Variants in LCP2 observed in about 807,000 individuals in gnomAD.
LCP2 encodes the protein 76 kDa tyrosine phosphoprotein.
A neutral mutation model predicts 74.5 loss-of-function variants in LCP2; 29 were observed. The observed-to-expected ratio is 0.39, with a 90% CI of 0.29 to 0.53. The LOEUF is 0.53. LCP2 is among the 20% of genes least tolerant of loss of function. The pLI is 0.72. For missense variants in LCP2, 604 were observed against 634.6 expected (o/e 0.95, Z 0.52); for synonymous variants, 228 against 229.5 (o/e 0.99, Z 0.06).
intron 3 of LCP2, among the ~76,000 whole-genome samples, chr5:170,278,869 G>T (rs1428540418): frequency 6.6e-6 from 1 of 152,180 alleles, no homozygotes; most frequent in East Asian, 1.9e-4. Context: ...GCAGCAAAGT[G>T]TGGGCTCCCA....
chr5:170,267,156 T>C, intron 8 of LCP2, 81 bp from the exon 9 acceptor site: 1 of 1,336,366 alleles, frequency 7.5e-7, no homozygotes, highest in African/African-American at 1.4e-5. Context: ...CTGGATCTGC[T>C]CACTTTTCCT....
chr5:170,280,261 T>G (rs766060920), intron 3 of LCP2, among the ~76,000 whole-genome samples: 2 of 151,958 alleles, frequency 1.3e-5, no homozygotes, highest in Non-Finnish European at 2.9e-5. Flanking sequence ...TCCCGGCTCC[T>G]GGGTAGGGCA....
Position 170,258,153 on chromosome 5 carries a change from A to G in LCP2, c.984T>C (p.Pro328=). The G allele has an allele frequency of 6.2e-7, 1 of 1,613,926 alleles. No homozygotes were observed. Among genetic ancestry groups the G allele is most frequent in the Non-Finnish European group, 8.5e-7 (1 of 1,179,822 alleles). The change falls in exon 16 of 21, where the codon CCT becomes CCC. Residue 328 remains proline (P), a synonymous_variant. Coordinates refer to ENST00000046794, the MANE Select transcript of LCP2 (RefSeq NM_005565.5). ...TAGGAAGTAGTGCTGGCTGGGGCAA[A>G]GGTCTCTGATGCACTGTGCAGAAGT... ...ENDEDDVHQR[P]LPQPALLPMS...
Position 170,297,698 on chromosome 5 carries a change from T to C in LCP2, c.-87A>G. The stretch of plus-strand genomic sequence containing the variant: ...AGCTCAAATCCAGAGCTCGGAGGCG[T>C]TCTTGGCTCTTCCAACTCCCAGCTA... On this transcript the variant is annotated 5_prime_UTR_variant, in exon 1 of 21. Transcript: ENST00000046794. 2 of 1,121,736 alleles carry C rather than the reference T, an allele frequency of 1.8e-6. No homozygotes were observed. The highest frequency in any genetic ancestry group is 1.5e-5 in the South Asian group (1 of 66,556). The allele number at this position is 1,121,736 out of a possible 1,614,324, so 69.5% of individuals were successfully genotyped here.
intron 19 of LCP2, 135 bp from the exon 20 acceptor site, chr5:170,251,020 T>TGTCA: frequency 1.6e-6 from 1 of 634,508 alleles, no homozygotes. Context: ...GTGCAAAACC[T>TGTCA]GTCATTCAAC....
rs1011288228 is a variant in LCP2, at chr5:170,258,231, A to G, written c.971-65T>C. On this transcript the variant is annotated intron_variant, in intron 15 of 20. Coordinates refer to ENST00000046794, the MANE Select transcript of LCP2 (RefSeq NM_005565.5). ...CCCAGCTGTCACTAAGAAACATTCC[A>G]TAACCGCCCCCCAGTTAGAAACAGC... 16 of 1,563,070 alleles carry G rather than the reference A, an allele frequency of 1.0e-5. No homozygotes were observed. In the Admixed American group the frequency reaches 2.4e-4, roughly 23 times the overall value.
At chr5:170,296,735 C>A (rs6871509) in intron 1 of LCP2, among the ~76,000 whole-genome samples, 1,678 of 152,318 alleles carry the variant, frequency 0.011, 35 homozygotes, top group African/African-American at 0.034. Flanking sequence ...GCACAGGGAT[C>A]CTTCAACCTT....
chr5:170,251,831 G>A (rs1396201165), intron 19 of LCP2: 11 of 328,714 alleles, frequency 3.3e-5, no homozygotes, highest in Non-Finnish European at 4.4e-5. Flanking sequence ...AAAGTTCTCC[G>A]GGTGATCTAA....
At chr5:170,261,274 CCCA>C in intron 13 of LCP2, 137 bp from the exon 14 acceptor site, 1 of 671,206 alleles carries the variant, frequency 1.5e-6, no homozygotes. Context: ...GCAACAGACC[CCCA>C]CAGAGCAGGG....
chr5:170,286,714 T>TC (rs1477097416), intron 3 of LCP2, among the ~76,000 whole-genome samples: 3 of 152,262 alleles, frequency 2.0e-5, no homozygotes, highest in Admixed American at 6.5e-5. Flanking sequence ...CTCTTTTCCC[T>TC]CCCCCTTCCG....
At chr5:170,276,000 AG>A in intron 3 of LCP2, 140 bp from the exon 4 acceptor site, 1 of 674,880 alleles carries the variant, frequency 1.5e-6, no homozygotes, top group Non-Finnish European at 2.6e-6. Context: ...TCACCTCTGC[AG>A]GGACCCTCTG....
At chr5:170,254,804 A>G (rs2113154864) in intron 17 of LCP2, among the ~76,000 whole-genome samples, 1 of 152,184 alleles carries the variant, frequency 6.6e-6, no homozygotes, top group East Asian at 1.9e-4. Context: ...TATTGCAGTC[A>G]CCTACCACCC....
rs747523987 is a variant in LCP2, at chr5:170,270,815, C to A, written c.427G>T (p.Ala143Ser). The A allele has an allele frequency of 6.2e-7, 1 of 1,612,114 alleles. No individual in the cohort carries two copies. ...TTGGAGGGTGGCGGCTCATAATCCG[C>A]GTCATCTTCCACGGGTGCCTCTTCC... The part of the protein sequence containing the change: ...EEEEAPVEDD[A>S]DYEPPPSNDE... Residue 143 changes from alanine (A) to serine (S), a missense_variant, in exon 7 of 21, where the codon GCG becomes TCG. Coordinates refer to ENST00000046794, the MANE Select transcript of LCP2 (RefSeq NM_005565.5).
chr5:170,258,196 A>AT (rs752637417), intron 15 of LCP2, 30 bp from the exon 16 acceptor site: 10 of 1,612,238 alleles, frequency 6.2e-6, no homozygotes, highest in Non-Finnish European at 8.5e-6. Context: ...AATGAATGAG[A>AT]TTGGCAGGCC....
intron 8 of LCP2, among the ~76,000 whole-genome samples, chr5:170,267,608 G>C (rs1033757282): frequency 6.7e-6 from 1 of 148,538 alleles, no homozygotes; most frequent in Non-Finnish European, 1.5e-5. Context: ...ATGTTACCTG[G>C]TCTTCCGTCC....
chr5:170,289,138 G>A (rs574121485), intron 2 of LCP2, among the ~76,000 whole-genome samples: 73 of 152,272 alleles, frequency 4.8e-4, no homozygotes, highest in African/African-American at 1.2e-3. Context: ...GTAAAATGGG[G>A]ACCATAATAA....
At position 170,248,938 on chromosome 5, in the gene LCP2, G is replaced by GA. The variant is rs111364433; in HGVS notation, c.1480-120dup. ...CTTCAAGTGATGAGGATTGTGGGGG[G>GA]AAAAAATGTAAATGTGGCAATTAGT... On this transcript the variant is annotated intron_variant, in intron 20 of 20. Transcript: ENST00000046794. The GA allele has an allele frequency of 2.3e-3, 2,312 of 992,238 alleles. 49 individuals are homozygous for GA. The African/African-American group carries it at 0.034, about 15-fold the overall frequency. The allele number at this position is 992,238 out of a possible 1,614,324, so 61.5% of individuals were successfully genotyped here.
At position 170,270,590 on chromosome 5, in the gene LCP2, A is replaced by T. The variant is rs1458053081; in HGVS notation, c.523+129T>A. On this transcript the variant is annotated intron_variant, in intron 7 of 20. Transcript: ENST00000046794. Reference sequence around the variant, plus strand: ...TGTACAAAGCCACATAGCTGTTAAGAAGCCGAGCAGATATCGAGACCCAGA... The same window carrying T: ...TGTACAAAGCCACATAGCTGTTAAGTAGCCGAGCAGATATCGAGACCCAGA... 4.1e-6 allele frequency: 3 copies of T among 731,888 alleles called. No individual in the cohort carries two copies. In the East Asian group the frequency reaches 8.4e-5, roughly 20 times the overall value. 45.3% of individuals were successfully genotyped at this position (731,888 alleles called of 1,614,324 possible).
intron 3 of LCP2, among the ~76,000 whole-genome samples, chr5:170,280,231 G>A (rs1251535500): frequency 3.3e-5 from 5 of 151,916 alleles, no homozygotes; most frequent in Non-Finnish European, 5.9e-5. Flanking sequence ...ACTGCCTGCT[G>A]ATCCCTCCTG....
Sources: gnomAD v4.1 joint callset for allele counts (sites outside exome capture counted in the v4.1 genomes callset) on GRCh38, gnomAD v4.1.1 for gene constraint, MANE v1.5 for transcripts, NCBI Gene and HGNC (gene_info 2026-07-23, HGNC 2026-07-21) for gene names.